The following CCSER1 variants were observed in gnomAD, a reference collection of about 807,000 sequenced individuals.
CCSER1 encodes serine-rich coiled-coil domain-containing protein 1.
Under a neutral mutation model 82.0 loss-of-function variants are expected in CCSER1, and 41 were observed. The ratio of observed to expected loss-of-function variants is 0.50; its 90% CI spans 0.39 to 0.65. The LOEUF is 0.65. Ranked by LOEUF, CCSER1 falls within the 30% of genes least tolerant of loss-of-function variation. The pLI is 0.00. For missense variants in CCSER1, 1,119 were observed against 1,064.2 expected (o/e 1.05, Z -0.72); for synonymous variants, 414 against 383.9 (o/e 1.08, Z -0.92).
At chr4:90,735,640 G>A (rs1261910405) in intron 7 of CCSER1, among the ~76,000 whole-genome samples, 1 of 151,908 alleles carries the variant, frequency 6.6e-6, no homozygotes, top group East Asian at 1.9e-4. Context: ...AATTTATGTA[G>A]TATCAGTTAT....
intron 1 of CCSER1, among the ~76,000 whole-genome samples, chr4:90,137,534 G>A (rs577718428): frequency 4.1e-4 from 63 of 152,324 alleles, no homozygotes; most frequent in African/African-American, 1.4e-3. Flanking sequence ...TCTGAGGAGA[G>A]TCAGGTTCAT....
At chr4:91,139,853 CT>C (rs979116039) in intron 10 of CCSER1, among the ~76,000 whole-genome samples, 1 of 152,028 alleles carries the variant, frequency 6.6e-6, no homozygotes, top group Non-Finnish European at 1.5e-5. Context: ...ATGCCAAGTA[CT>C]TTTTTTCAGC....
At chr4:90,533,730 T>C (rs972674449) in intron 5 of CCSER1, among the ~76,000 whole-genome samples, 1 of 152,228 alleles carries the variant, frequency 6.6e-6, no homozygotes, top group Non-Finnish European at 1.5e-5. Context: ...CTAGTATATT[T>C]ATTTTTTAAG....
chr4:91,532,807 T>C (rs1578716018), intron 10 of CCSER1, among the ~76,000 whole-genome samples: 1 of 151,162 alleles, frequency 6.6e-6, no homozygotes, highest in South Asian at 2.1e-4. Context: ...GAGGAGGAGG[T>C]TGCAGTGAGC....
At chr4:90,745,375 T>C (rs1332673203) in intron 7 of CCSER1, among the ~76,000 whole-genome samples, 1 of 152,188 alleles carries the variant, frequency 6.6e-6, no homozygotes, top group African/African-American at 2.4e-5. Flanking sequence ...TCCAGGAAAA[T>C]TCTATTACAA....
intron 9 of CCSER1, among the ~76,000 whole-genome samples, chr4:90,952,551 G>A (rs1733022310): frequency 6.6e-6 from 1 of 152,032 alleles, no homozygotes; most frequent in Non-Finnish European, 1.5e-5. Context: ...AAAATATTTT[G>A]TAGCACTTTT....
chr4:91,396,651 A>C (rs1474959018), intron 10 of CCSER1, among the ~76,000 whole-genome samples: 2 of 152,054 alleles, frequency 1.3e-5, no homozygotes, highest in Non-Finnish European at 2.9e-5. Flanking sequence ...CCCTGAAGAC[A>C]CACAACCACA....
intron 9 of CCSER1, among the ~76,000 whole-genome samples, chr4:90,939,893 A>C (rs1229902138): frequency 6.6e-6 from 1 of 151,994 alleles, no homozygotes; most frequent in Non-Finnish European, 1.5e-5. Context: ...TTTTTCTAAC[A>C]GTTTTCTAGA....
At chr4:91,464,438 G>T (rs1010501233) in intron 10 of CCSER1, among the ~76,000 whole-genome samples, 7 of 152,094 alleles carry the variant, frequency 4.6e-5, no homozygotes, top group African/African-American at 7.2e-5. Context: ...AGAAGAAACT[G>T]CATCAACTGA....
At chr4:90,474,326 T>TA (rs1386429661) in intron 5 of CCSER1, among the ~76,000 whole-genome samples, 1 of 152,158 alleles carries the variant, frequency 6.6e-6, no homozygotes, top group African/African-American at 2.4e-5. Flanking sequence ...AATAGCTTCT[T>TA]AAAGTGTTCT....
intron 9 of CCSER1, among the ~76,000 whole-genome samples, chr4:90,946,602 G>T (rs1561404440): frequency 6.9e-6 from 1 of 145,112 alleles, no homozygotes; most frequent in Non-Finnish European, 1.5e-5. Context: ...CTGCACTCCA[G>T]CCTGGAGGCA....
chr4:91,286,376 T>C (rs186572555), intron 10 of CCSER1, among the ~76,000 whole-genome samples: 3 of 151,996 alleles, frequency 2.0e-5, no homozygotes, highest in African/African-American at 7.2e-5. Context: ...TTGATGAAGG[T>C]TCACTAAGTT....
At chr4:90,942,383 C>T (rs977832514) in intron 9 of CCSER1, among the ~76,000 whole-genome samples, 2 of 152,114 alleles carry the variant, frequency 1.3e-5, no homozygotes, top group Non-Finnish European at 2.9e-5. Flanking sequence ...TACACCAAAT[C>T]GTACTTTTTG....
intron 6 of CCSER1, among the ~76,000 whole-genome samples, chr4:90,633,845 CT>C (rs1481010956): frequency 6.6e-6 from 1 of 151,706 alleles, no homozygotes; most frequent in East Asian, 1.9e-4. Flanking sequence ...TTCTGTCATC[CT>C]TTTTTAAAGA....
chr4:91,042,205 A>T (rs1413723779), intron 9 of CCSER1, among the ~76,000 whole-genome samples: 1 of 152,098 alleles, frequency 6.6e-6, no homozygotes, highest in Non-Finnish European at 1.5e-5. Context: ...TTTCCCCATG[A>T]TGTTCTTGTT....
chr4:91,381,758 C>T (rs961093452), intron 10 of CCSER1, among the ~76,000 whole-genome samples: 2 of 152,226 alleles, frequency 1.3e-5, no homozygotes, highest in African/African-American at 4.8e-5. Flanking sequence ...AAGTCATTCT[C>T]TGTCCAGCTT....
chr4:90,163,893 G>T (rs1729949785), intron 1 of CCSER1, among the ~76,000 whole-genome samples: 1 of 152,098 alleles, frequency 6.6e-6, no homozygotes, highest in Admixed American at 6.6e-5. Flanking sequence ...TACCTTCTTT[G>T]TTGGCTTTGG....
chr4:91,465,778 A>G (rs943342754), intron 10 of CCSER1, among the ~76,000 whole-genome samples: 3 of 152,052 alleles, frequency 2.0e-5, no homozygotes, highest in African/African-American at 7.3e-5. Context: ...TCCTGGACAC[A>G]TACACCCTCC....
At chr4:91,275,863 C>A (rs1433511774) in intron 10 of CCSER1, among the ~76,000 whole-genome samples, 1 of 152,100 alleles carries the variant, frequency 6.6e-6, no homozygotes, top group Non-Finnish European at 1.5e-5. Flanking sequence ...GTTTCAGTTT[C>A]ATTCTGTTGC....
Sources: gnomAD v4.1 joint callset for allele counts (sites outside exome capture counted in the v4.1 genomes callset) on GRCh38, gnomAD v4.1.1 for gene constraint, MANE v1.5 for transcripts, NCBI Gene and HGNC (gene_info 2026-07-23, HGNC 2026-07-21) for gene names.